The following NANS variants were observed in gnomAD, a reference collection of about 807,000 sequenced individuals.
NANS encodes the protein N-acetylneuraminate-9-phosphate synthase.
Under a neutral mutation model 33.3 loss-of-function variants are expected in NANS, and 29 were observed. The observed-to-expected ratio is 0.87, with a 90% confidence interval of 0.65 to 1.19. The LOEUF is 1.19. NANS is among the 50% of genes most tolerant of loss of function. The pLI is 0.00. For missense variants in NANS, 394 were observed against 461.1 expected, an observed-to-expected ratio of 0.85 and a Z score of 1.33; for synonymous variants, 163 against 177.2, an observed-to-expected ratio of 0.92 and a Z score of 0.64.
At chr9:98,077,987 G>A (rs754892315) in intron 3 of NANS, 23 of 611,030 alleles carry the variant, frequency 3.8e-5, no homozygotes, top group Admixed American at 1.5e-4. Context: ...GAACACTGTC[G>A]GGGGGCAGAG....
At chr9:98,079,145 C>T (rs1018596990) in intron 4 of NANS, among the ~76,000 whole-genome samples, 4 of 152,144 alleles carry the variant, frequency 2.6e-5, no homozygotes, top group South Asian at 2.1e-4. Context: ...AGTCCCAAGT[C>T]GGGAAGCCTG....
chr9:98,062,661 A>G (rs369590090), intron 2 of NANS, among the ~76,000 whole-genome samples: 295 of 152,240 alleles, frequency 1.9e-3, no homozygotes, highest in African/African-American at 6.8e-3. Flanking sequence ...ATTATAGCAC[A>G]AACTTTTACC....
chr9:98,072,641 C>T lies in NANS; in HGVS notation c.349-4277C>T, dbSNP rs1829392972. On this transcript the variant is annotated intron_variant, in intron 2 of 5. Coordinates refer to ENST00000210444, the MANE Select transcript of NANS (RefSeq NM_018946.4). ...GGCCAGGGTGGTCTTGAACTCCTGA[C>T]CTCATGATCCACCCACCTCGGCCTC... Among the ~76,000 whole-genome samples, 3 of 152,206 alleles carry T rather than the reference C, an allele frequency of 2.0e-5. No individual in the cohort carries two copies. The South Asian group carries it at 6.2e-4, about 32-fold the overall frequency.
rs10606237 is a variant in NANS, at chr9:98,073,271, C to CTTTTTTTTTTTT, written c.349-3627_349-3616dup. ...GTTCTCCCCAGCTCATCACCATGGG[C>CTTTTTTTTTTTT]TTTTTTTTTTTTTTTTTTTTTTTTT... On this transcript the variant is annotated intron_variant, in intron 2 of 5. Coordinates refer to ENST00000210444, the MANE Select transcript of NANS (RefSeq NM_018946.4). 5.2e-5 allele frequency among the ~76,000 whole-genome samples: 3 copies of CTTTTTTTTTTTT among 57,826 alleles called. 1 individual carries two copies. Among genetic ancestry groups the CTTTTTTTTTTTT allele is most frequent in the African/African-American group, 1.8e-4 (2 of 11,414 alleles). The allele number at this position is 57,826 out of a possible 152,430, so 37.9% of individuals were successfully genotyped here. A position where few individuals can be genotyped will look rare whatever the true frequency, so the allele number is the denominator to read the frequency against.
At chr9:98,058,592 G>A (rs1305786130) in intron 1 of NANS, among the ~76,000 whole-genome samples, 3 of 152,184 alleles carry the variant, frequency 2.0e-5, no homozygotes, top group East Asian at 1.9e-4. Flanking sequence ...TTGGAATGCC[G>A]AAGTTGTAGA....
Position 98,082,936 on chromosome 9 carries a change from G to C in NANS, c.961G>C (p.Gly321Arg). The C allele has an allele frequency of 6.2e-7, 1 of 1,614,174 alleles. No individual in the cohort carries two copies. Residue 321 changes from glycine (G) to arginine (R), a missense_variant, in exon 6 of 6, where the codon GGC (glycine) becomes CGC (arginine). Gly to Arg is a moderately radical substitution (Grantham distance 125). Transcript: ENST00000210444. ...MLTVKVGEPK[G>R]YPPEDIFNLV... ...CACCGTGAAGGTGGGTGAGCCCAAAGGCTATCCTCCTGAAGACATCTTTAA... is the reference window on the plus strand; with the variant it reads ...CACCGTGAAGGTGGGTGAGCCCAAACGCTATCCTCCTGAAGACATCTTTAA...
intron 2 of NANS, among the ~76,000 whole-genome samples, chr9:98,072,282 G>A (rs984620147): frequency 6.6e-6 from 1 of 152,226 alleles, no homozygotes; most frequent in Non-Finnish European, 1.5e-5. Flanking sequence ...TGGCTGTTCT[G>A]TGACTCAGAA....
chr9:98,078,830 CA>C (rs1440959566), intron 4 of NANS, among the ~76,000 whole-genome samples: 2 of 85,664 alleles, frequency 2.3e-5, no homozygotes, highest in East Asian at 2.6e-4. Context: ...GTGAGACTCT[CA>C]GGGGGAAAAA....
At chr9:98,067,362 C>A (rs774018344) in intron 2 of NANS, among the ~76,000 whole-genome samples, 19 of 152,284 alleles carry the variant, frequency 1.2e-4, no homozygotes, top group Non-Finnish European at 1.3e-4. Flanking sequence ...GCACCATTCC[C>A]GCCAGCAGGG....
intron 2 of NANS, among the ~76,000 whole-genome samples, chr9:98,073,500 G>T (rs1169467900): frequency 5.3e-5 from 8 of 151,274 alleles, no homozygotes; most frequent in African/African-American, 1.9e-4. Context: ...GGCCAGGCTG[G>T]TGTCAAACTC....
In NANS at chr9:98,078,272, C is replaced by T; in HGVS notation, c.528C>T (p.Asn176=). 1.2e-6 allele frequency: 2 copies of T among 1,614,096 alleles called. No individual in the cohort carries two copies. The highest frequency in any genetic ancestry group is 1.7e-6 in the Non-Finnish European group (2 of 1,180,026). ...TTTATCAGATCGTGAAGCCCCTCAACCCCAACTTCTGCTTCTTGCAGTGTA... is the reference window on the plus strand; with the variant it reads ...TTTATCAGATCGTGAAGCCCCTCAATCCCAACTTCTGCTTCTTGCAGTGTA... The part of the protein sequence containing the change: ...KQVYQIVKPL[N]PNFCFLQCTS... Residue 176 remains asparagine (N), a synonymous_variant, in exon 4 of 6, where the codon AAC becomes AAT. Transcript: ENST00000210444.
At chr9:98,068,121 T>A (rs1829203671) in intron 2 of NANS, among the ~76,000 whole-genome samples, 1 of 152,132 alleles carries the variant, frequency 6.6e-6, no homozygotes, top group Non-Finnish European at 1.5e-5. Flanking sequence ...TCTATTTATA[T>A]GTTTAAAAAT....
chr9:98,078,831 A>AG lies in NANS; in HGVS notation c.603+489dup, dbSNP rs201327329. 7.2e-3 allele frequency among the ~76,000 whole-genome samples: 593 copies of AG among 82,912 alleles called. 7 individuals are homozygous for AG. The highest frequency in any genetic ancestry group is 0.039 in the African/African-American group (499 of 12,678). 54.4% of individuals were successfully genotyped at this position (82,912 alleles called of 152,430 possible). On this transcript the variant is annotated intron_variant, in intron 4 of 5. Coordinates refer to ENST00000210444, the MANE Select transcript of NANS (RefSeq NM_018946.4). ...GCCTGGGTGACAGAGTGAGACTCTC[A>AG]GGGGGAAAAAAAAAAAAAAAAAAGT...
At chr9:98,078,787 A>G (rs146442116) in intron 4 of NANS, among the ~76,000 whole-genome samples, 1 of 145,936 alleles carries the variant, frequency 6.9e-6, no homozygotes, top group African/African-American at 2.6e-5. Context: ...GTGAGCCGAG[A>G]TTGCACCACT....
chr9:98,075,555 T>C (rs948224199), intron 2 of NANS: 7 of 152,116 alleles, frequency 4.6e-5, no homozygotes, highest in Admixed American at 2.0e-4. Context: ...AATCAGAGTT[T>C]GCATTTCATT....
chr9:98,064,848 A>C (rs1829088933), intron 2 of NANS, among the ~76,000 whole-genome samples: 1 of 152,210 alleles, frequency 6.6e-6, no homozygotes, highest in African/African-American at 2.4e-5. Context: ...GAGTCTCCGC[A>C]TGCACCACGC....
chr9:98,075,830 CAATTA>C (rs1230241489), intron 2 of NANS: 10 of 152,076 alleles, frequency 6.6e-5, no homozygotes, highest in Admixed American at 6.5e-4. Context: ...TTTAGTATAT[CAATTA>C]CACCTTACTG....
chr9:98,081,754 C>T (rs574865103), intron 5 of NANS: 6 of 152,336 alleles, frequency 3.9e-5, no homozygotes, highest in African/African-American at 1.4e-4. Context: ...TGTAGGCTGT[C>T]GGGGTCAAGG....
intron 1 of NANS, 46 bp downstream of exon 1, chr9:98,056,986 G>T: frequency 1.3e-6 from 2 of 1,516,600 alleles, no homozygotes; most frequent in Non-Finnish European, 8.8e-7. Flanking sequence ...GCCGGGAGGG[G>T]CGGGGCGGGG....
Sources: allele counts gnomAD v4.1 joint callset (sites outside exome capture counted in the v4.1 genomes callset), GRCh38; gene constraint gnomAD v4.1.1; transcripts MANE v1.5; gene names NCBI Gene and HGNC (gene_info 2026-07-23, HGNC 2026-07-21).